The following FRY variants were observed in gnomAD, a reference collection of about 807,000 sequenced individuals.
The protein encoded by FRY is protein furry homolog.
FRY carries 128 observed loss-of-function variants against 348.4 expected under a neutral mutation model. The observed-to-expected ratio is 0.37, with a 90% CI of 0.32 to 0.43. FRY has a LOEUF of 0.43. FRY is among the 20% of genes least tolerant of loss of function. The pLI is 1.00. For missense variants in FRY, 2,736 were observed against 3,695.2 expected (o/e 0.74, Z 6.73); for synonymous variants, 1,370 against 1,374.7 (o/e 1.00, Z 0.08).
intron 8 of FRY, among the ~76,000 whole-genome samples, chr13:32,133,966 G>C (rs1385940394): frequency 6.6e-6 from 1 of 151,364 alleles, no homozygotes; most frequent in Non-Finnish European, 1.5e-5. Context: ...TTTTTGTAGA[G>C]ACAGGGTTTG....
intron 25 of FRY, 105 bp downstream of exon 25, chr13:32,184,796 C>A: frequency 2.0e-6 from 2 of 978,522 alleles, no homozygotes; most frequent in South Asian, 2.7e-5. Context: ...AATATAATAC[C>A]CTTAACTTAG....
At position 32,268,486 on chromosome 13, in the gene FRY, T is replaced by TAAAAA. The variant is rs1163691921; in HGVS notation, c.8136+1143_8136+1147dup. ...ATTATAGTTAAAGAGAAAGCTAGTTTAAAAAAAAAAAAAAAAAAAATATAT... is the reference window on the plus strand; with the variant it reads ...ATTATAGTTAAAGAGAAAGCTAGTTTAAAAAAAAAAAAAAAAAAAAAAAAATATAT... On this transcript the variant is annotated intron_variant, in intron 55 of 60. Transcript: ENST00000542859. Among the ~76,000 whole-genome samples, 7 of 61,074 alleles carry TAAAAA rather than the reference T, an allele frequency of 1.1e-4. 1 individual carries two copies. The highest frequency in any genetic ancestry group is 4.1e-4 in the African/African-American group (7 of 17,170). The allele number at this position is 61,074 out of a possible 152,430, so 40.1% of individuals were successfully genotyped here.
At chr13:32,082,186 T>C (rs970013602) in intron 2 of FRY, among the ~76,000 whole-genome samples, 7 of 151,104 alleles carry the variant, frequency 4.6e-5, no homozygotes, top group African/African-American at 1.7e-4. Context: ...CTTAAGGTTT[T>C]ATTTATGACT....
intron 3 of FRY, among the ~76,000 whole-genome samples, chr13:32,105,878 G>T (rs1247898410): frequency 6.6e-6 from 1 of 151,672 alleles, no homozygotes; most frequent in Non-Finnish European, 1.5e-5. Flanking sequence ...ATCCTGAATG[G>T]CCCTTTTTAC....
At chr13:32,261,500 G>A in intron 51 of FRY, 116 bp from the exon 52 acceptor site, 1 of 907,878 alleles carries the variant, frequency 1.1e-6, no homozygotes, top group Non-Finnish European at 1.9e-6. Context: ...AAGTCGATGA[G>A]GGCCTAAGAG....
chr13:32,064,932 T>G (rs772979133), intron 1 of FRY, among the ~76,000 whole-genome samples: 6 of 152,334 alleles, frequency 3.9e-5, no homozygotes, highest in Non-Finnish European at 8.8e-5. Context: ...CCTATGTAAA[T>G]GACACCTCCA....
At chr13:32,130,452 T>G (rs867525518) in intron 7 of FRY, among the ~76,000 whole-genome samples, 2 of 141,884 alleles carry the variant, frequency 1.4e-5, no homozygotes, top group African/African-American at 2.7e-5. Context: ...TGGAAAGTGT[T>G]TGTGTGTGTG....
intron 53 of FRY, 121 bp from the exon 54 acceptor site, chr13:32,265,329 A>G (rs1254145612): frequency 1.1e-6 from 1 of 938,474 alleles, no homozygotes; most frequent in Non-Finnish European, 1.7e-6. Flanking sequence ...CTAGAAAACA[A>G]ATGTCCCCAT....
chr13:32,186,111 C>G, intron 26 of FRY, 149 bp from the exon 27 acceptor site: 2 of 688,016 alleles, frequency 2.9e-6, no homozygotes, highest in Non-Finnish European at 5.1e-6. Flanking sequence ...GAAAATGTGG[C>G]TTGACTTTTT....
chr13:32,059,820 T>A (rs780601356), intron 1 of FRY, among the ~76,000 whole-genome samples: 15 of 152,216 alleles, frequency 9.9e-5, no homozygotes, highest in Non-Finnish European at 2.2e-4. Context: ...TACTGTCTTT[T>A]AATGGTTTTG....
chr13:32,118,611 A>G (rs916684259), intron 4 of FRY, among the ~76,000 whole-genome samples: 3 of 152,170 alleles, frequency 2.0e-5, no homozygotes, highest in Admixed American at 2.0e-4. Flanking sequence ...ATTTTTAGAT[A>G]TAACTCAGAT....
In FRY at chr13:32,101,850, T is replaced by C. The variant is rs1877180670; in HGVS notation, c.271-113T>C. 8 of 700,210 alleles carry C rather than the reference T, an allele frequency of 1.1e-5. No individual in the cohort carries two copies. In the South Asian group the frequency reaches 1.3e-4, roughly 11 times the overall value. 43.4% of individuals were successfully genotyped at this position (700,210 alleles called of 1,614,324 possible). A position where few individuals can be genotyped will look rare whatever the true frequency, so the allele number is the denominator to read the frequency against. On this transcript the variant is annotated intron_variant, in intron 2 of 60. Transcript: ENST00000542859. ...CACTCATTTAAAAATTGGTGCCTCC[T>C]GATTCCATAATGAGAGAAATGAGTG...
At chr13:32,076,099 T>C (rs956491348) in intron 1 of FRY, among the ~76,000 whole-genome samples, 1 of 152,236 alleles carries the variant, frequency 6.6e-6, no homozygotes, top group African/African-American at 2.4e-5. Context: ...TATCTGAATT[T>C]CATCTCTCTA....
intron 55 of FRY, 130 bp from the exon 56 acceptor site, chr13:32,274,703 CAAAAAAAAA>C (rs397723164): frequency 5.9e-5 from 18 of 306,738 alleles, no homozygotes; most frequent in East Asian, 2.6e-4. Context: ...GATTCTGTCT[CAAAAAAAAA>C]AAAAAAAAAA....
In FRY at chr13:32,297,432, T is replaced by C. The variant is rs1055126185; in HGVS notation, c.*1972T>C. 1.4e-4 allele frequency: 22 copies of C among 152,052 alleles called. No homozygotes were observed. Among genetic ancestry groups the C allele is most frequent in the Middle Eastern group, 3.4e-3 (1 of 292 alleles). The allele number at this position is 152,052 out of a possible 1,614,324, so 9.4% of individuals were successfully genotyped here. On this transcript the variant is annotated 3_prime_UTR_variant, in exon 61 of 61. Transcript: ENST00000542859. ...CACAGTAGAAAGAACAGATTCGTCATGAACTGAGTTTTCTACCATGGCTTC... is the reference window on the plus strand; with the variant it reads ...CACAGTAGAAAGAACAGATTCGTCACGAACTGAGTTTTCTACCATGGCTTC...
At position 32,239,166 on chromosome 13, in the gene FRY, T is replaced by C. The variant is rs1886375014; in HGVS notation, c.6419-86T>C. 3.5e-6 allele frequency: 3 copies of C among 860,922 alleles called. No individual in the cohort carries two copies. Among genetic ancestry groups the C allele is most frequent in the Non-Finnish European group, 2.0e-6 (1 of 500,602 alleles). The allele number at this position is 860,922 out of a possible 1,614,324, so 53.3% of individuals were successfully genotyped here. A position where few individuals can be genotyped will look rare whatever the true frequency, so the allele number is the denominator to read the frequency against. ...AAAAACTGCTTTTGCATCACCTCAGTATAAAAATCTGTAACATGCCTTCCC... is the reference window on the plus strand; with the variant it reads ...AAAAACTGCTTTTGCATCACCTCAGCATAAAAATCTGTAACATGCCTTCCC... On this transcript the variant is annotated intron_variant, in intron 44 of 60. Coordinates refer to ENST00000542859, the MANE Select transcript of FRY (RefSeq NM_023037.3). The surrounding 1 kb of genome is among the most constrained non-coding windows in gnomAD (Gnocchi z 4.3).
intron 1 of FRY, among the ~76,000 whole-genome samples, chr13:32,074,897 C>T (rs1160272461): frequency 6.6e-6 from 1 of 152,104 alleles, no homozygotes; most frequent in Non-Finnish European, 1.5e-5. Flanking sequence ...AGGGCCCAGA[C>T]CAAGCCAGGT....
At chr13:32,229,769 A>T (rs1467155156) in intron 40 of FRY, among the ~76,000 whole-genome samples, 1 of 152,192 alleles carries the variant, frequency 6.6e-6, no homozygotes. Flanking sequence ...GCTTGATGTG[A>T]TCCTGATAAA....
Position 32,209,580 on chromosome 13 carries a change from T to A in FRY, c.4276-5T>A. ...TCTCTTGGGCCGGTTTTTATTTTGT[T>A]ATAGTATGGAGATGAAGTTCCTGGG... is the stretch of plus-strand genomic sequence containing the variant. On this transcript the variant is annotated splice_polypyrimidine_tract_variant and splice_region_variant and intron_variant, in intron 32 of 60. Coordinates refer to ENST00000542859, the MANE Select transcript of FRY (RefSeq NM_023037.3). 6.2e-7 allele frequency: 1 copy of A among 1,614,062 alleles called. No homozygotes were observed. The highest frequency in any genetic ancestry group is 1.6e-4 in the Middle Eastern group (1 of 6,062).
Sources: gnomAD v4.1 joint callset for allele counts (sites outside exome capture counted in the v4.1 genomes callset) on GRCh38, gnomAD v4.1.1 for gene constraint, Gnocchi (gnomAD v3.1) non-coding constraint, MANE v1.5 for transcripts, NCBI Gene and HGNC (gene_info 2026-07-23, HGNC 2026-07-21) for gene names.